KHDRBS2: variants seen among roughly 807,000 people sequenced by gnomAD.
KHDRBS2 encodes the protein KH RNA binding domain containing, signal transduction associated 2.
A neutral mutation model predicts 44.3 loss-of-function variants in KHDRBS2; 26 were observed. The ratio of observed to expected loss-of-function variants is 0.59; its 90% CI spans 0.43 to 0.81. The LOEUF is 0.81. Among genes scored for constraint, KHDRBS2 ranks in the 40% least tolerant of loss-of-function variants. KHDRBS2 has a pLI of 0.00. For synonymous variants in KHDRBS2, 194 were observed against 151.1 expected, an observed-to-expected ratio of 1.28 and a Z score of -2.08; for missense variants, 476 against 433.1, an observed-to-expected ratio of 1.10 and a Z score of -0.88.
At chr6:62,114,120 C>T (rs1170691119) in intron 2 of KHDRBS2, among the ~76,000 whole-genome samples, 1 of 152,030 alleles carries the variant, frequency 6.6e-6, no homozygotes, top group African/African-American at 2.4e-5. Context: ...AGGGTCACTG[C>T]CCCCATGATT....
At chr6:61,668,261 A>T in the KHDRBS2 span, among the ~76,000 whole-genome samples, 1 of 150,992 alleles carries the variant, frequency 6.6e-6, no homozygotes, top group African/African-American at 2.4e-5. Context: ...TAGTAGTCCT[A>T]TTTTTTAATA....
chr6:61,597,773 T>TATATATATATATATATATATATAC, the KHDRBS2 span, among the ~76,000 whole-genome samples: 27 of 42,340 alleles, frequency 6.4e-4, 3 homozygotes, highest in East Asian at 1.0e-3. Context: ...TATATATATA[T>TATATATATATATATATATATATAC]ACACCAAGAT....
intron 2 of KHDRBS2, among the ~76,000 whole-genome samples, chr6:62,131,304 T>C (rs774023593): frequency 3.3e-5 from 5 of 152,202 alleles, no homozygotes; most frequent in African/African-American, 7.2e-5. Context: ...AATATTTCCT[T>C]AATTAAATCG....
intron 2 of KHDRBS2, among the ~76,000 whole-genome samples, chr6:62,072,537 G>A (rs944925408): frequency 6.6e-6 from 1 of 152,090 alleles, no homozygotes; most frequent in Non-Finnish European, 1.5e-5. Context: ...TTTATTGAGA[G>A]TTTTTATCAT....
chr6:62,199,748 T>C (rs1563050912), intron 1 of KHDRBS2, among the ~76,000 whole-genome samples: 1 of 152,072 alleles, frequency 6.6e-6, no homozygotes, highest in Non-Finnish European at 1.5e-5. Flanking sequence ...AAAGTTCACA[T>C]GGAACCAAAA....
chr6:62,096,173 G>A lies in KHDRBS2; in HGVS notation c.220-48179C>T, dbSNP rs142367219. Among the ~76,000 whole-genome samples the A allele has an allele frequency of 2.6e-3, 392 of 151,764 alleles. 3 individuals are homozygous for A. The highest frequency in any genetic ancestry group is 8.6e-3 in the African/African-American group (358 of 41,452). On this transcript the variant is annotated intron_variant, in intron 2 of 8. Transcript: ENST00000281156. Reference sequence around the variant, plus strand: ...ATGTTCATCATGAATACTGGTCTGCGGTTCTGTTTTGTATCCTTGTCTCAT... The same window carrying A: ...ATGTTCATCATGAATACTGGTCTGCAGTTCTGTTTTGTATCCTTGTCTCAT...
At chr6:61,690,936 G>T (rs1334450277) in intron 8 of KHDRBS2, among the ~76,000 whole-genome samples, 2 of 152,042 alleles carry the variant, frequency 1.3e-5, no homozygotes, top group Non-Finnish European at 2.9e-5. Context: ...TCCTTTGAAT[G>T]TGCCCCCATG....
At chr6:61,645,684 A>G in the KHDRBS2 span, among the ~76,000 whole-genome samples, 1 of 152,138 alleles carries the variant, frequency 6.6e-6, no homozygotes, top group Admixed American at 6.6e-5. Flanking sequence ...TGGTAGTTAA[A>G]TGTGTTGGTC....
chr6:62,236,722 A>T (rs1833768539), intron 1 of KHDRBS2, among the ~76,000 whole-genome samples: 1 of 152,134 alleles, frequency 6.6e-6, no homozygotes. Flanking sequence ...AATACATGTA[A>T]AATACTTGAA....
At chr6:61,696,553 G>A (rs570603240) in intron 8 of KHDRBS2, among the ~76,000 whole-genome samples, 2 of 151,950 alleles carry the variant, frequency 1.3e-5, no homozygotes, top group South Asian at 2.1e-4. Flanking sequence ...CACCACGCCC[G>A]GCCACATATG....
intron 1 of KHDRBS2, among the ~76,000 whole-genome samples, chr6:62,285,524 T>G (rs796381201): frequency 9.2e-5 from 14 of 152,342 alleles, no homozygotes; most frequent in African/African-American, 3.1e-4. Flanking sequence ...ACTTCCAAAC[T>G]GCTTTCCCTT....
chr6:61,583,638 T>C, the KHDRBS2 span, among the ~76,000 whole-genome samples: 3 of 151,836 alleles, frequency 2.0e-5, no homozygotes, highest in Admixed American at 2.0e-4. Context: ...TGGAGTCAGG[T>C]AGAGTAAGTT....
intron 2 of KHDRBS2, among the ~76,000 whole-genome samples, chr6:62,174,282 C>T (rs918418187): frequency 6.6e-6 from 1 of 151,408 alleles, no homozygotes; most frequent in African/African-American, 2.4e-5. Context: ...AGCTAAGAAT[C>T]ATATCAATAA....
At chr6:61,601,338 A>C in the KHDRBS2 span, among the ~76,000 whole-genome samples, 1 of 151,290 alleles carries the variant, frequency 6.6e-6, no homozygotes, top group African/African-American at 2.4e-5. Context: ...TCCACCCTCC[A>C]TTCCTCCTTC....
chr6:62,139,875 C>T (rs1046497983), intron 2 of KHDRBS2, among the ~76,000 whole-genome samples: 20 of 152,030 alleles, frequency 1.3e-4, no homozygotes, highest in Non-Finnish European at 2.2e-4. Flanking sequence ...TTGCTACTGC[C>T]ACCTCCCCAC....
At chr6:61,963,532 A>T (rs1769226628) in intron 4 of KHDRBS2, among the ~76,000 whole-genome samples, 1 of 152,054 alleles carries the variant, frequency 6.6e-6, no homozygotes, top group Non-Finnish European at 1.5e-5. Context: ...GTAATTAGGG[A>T]TGTGACTCTA....
chr6:61,722,977 G>A (rs1322628119), intron 7 of KHDRBS2, among the ~76,000 whole-genome samples: 2 of 152,074 alleles, frequency 1.3e-5, no homozygotes, highest in African/African-American at 4.8e-5. Context: ...CCAAAGTGCT[G>A]GAATTACAGG....
At chr6:62,194,183 CA>C (rs1219457242) in intron 1 of KHDRBS2, among the ~76,000 whole-genome samples, 2 of 151,876 alleles carry the variant, frequency 1.3e-5, no homozygotes, top group Non-Finnish European at 2.9e-5. Flanking sequence ...TGTTTTTTTC[CA>C]GGAGTTTTAT....
intron 1 of KHDRBS2, among the ~76,000 whole-genome samples, chr6:62,206,000 C>T (rs1170611903): frequency 1.3e-5 from 2 of 152,168 alleles, no homozygotes; most frequent in East Asian, 3.9e-4. Context: ...AGAAGAGAAG[C>T]CAGCTTGCTG....
Sources: gnomAD v4.1 joint callset for allele counts (sites outside exome capture counted in the v4.1 genomes callset) on GRCh38, gnomAD v4.1.1 for gene constraint, MANE v1.5 for transcripts, NCBI Gene and HGNC (gene_info 2026-07-23, HGNC 2026-07-21) for gene names.